Variants in WDR24 observed in about 807,000 individuals in gnomAD.
WDR24 encodes WD repeat domain 24, also known as GATOR2 complex protein WDR24.
Under a neutral mutation model 66.7 loss-of-function variants are expected in WDR24, and 32 were observed. That is an observed-to-expected ratio of 0.48 (90% CI 0.36 to 0.64). WDR24 has a LOEUF of 0.64. Among genes scored for constraint, WDR24 ranks in the 30% least tolerant of loss-of-function variants. WDR24 has a pLI of 0.00. For missense variants in WDR24, 978 were observed against 1,144.1 expected, an observed-to-expected ratio of 0.85 and a Z score of 2.09; for synonymous variants, 565 against 469.1, an observed-to-expected ratio of 1.20 and a Z score of -2.64.
chr16:687,345 T>C lies in WDR24; in HGVS notation c.731A>G (p.Glu244Gly). ...GGCGATGGTCTGCACACAGTGCATCTCCTTGGCACGGTGCGTGGTCATGTC... is the reference window on the plus strand; with the variant it reads ...GGCGATGGTCTGCACACAGTGCATCCCCTTGGCACGGTGCGTGGTCATGTC... ...VWDMTTHRAKEMHCVQTIASV... is the reference protein window; with the variant it reads ...VWDMTTHRAKGMHCVQTIASV... The change falls in exon 3 of 9, where the codon GAG (glutamate) becomes GGG (glycine). Residue 244 changes from glutamate to glycine, a missense_variant. This residue lies in a region of WDR24 where 302 missense variants were observed against 526.6 expected (regional missense o/e 0.57). Coordinates refer to ENST00000293883, the MANE Select transcript of WDR24 (RefSeq NM_032259.4). 6.2e-7 allele frequency: 1 copy of C among 1,605,352 alleles called. No homozygotes were observed. The highest frequency in any genetic ancestry group is 8.5e-7 in the Non-Finnish European group (1 of 1,175,364).
chr16:685,987 GAA>G lies in WDR24; in HGVS notation c.1453_1454del (p.Phe485GlnfsTer12). ...GSCGLPLMNS[F>X]NLKDMAPGLG... is the part of the protein sequence containing the mutation. ...ACCCTGGGGCCATATCCTTCAGGTTGAAACTGGGGGCAGGAAGGGCCCATGGG... is the reference window on the plus strand; with the variant it reads ...ACCCTGGGGCCATATCCTTCAGGTTGACTGGGGGCAGGAAGGGCCCATGGG... On this transcript the variant is annotated frameshift_variant and splice_region_variant, in exon 5 of 9. Transcript: ENST00000293883. LOFTEE classifies it high-confidence loss of function. The G allele has an allele frequency of 6.2e-7, 1 of 1,613,044 alleles. No individual in the cohort carries two copies. Among genetic ancestry groups the G allele is most frequent in the Non-Finnish European group, 8.5e-7 (1 of 1,179,986 alleles).
In WDR24 at chr16:687,212, C is replaced by T. The variant is rs1028409376; in HGVS notation, c.864G>A (p.Val288=). Residue 288 remains valine, a synonymous_variant, in exon 3 of 9, where the codon GTG becomes GTA. Transcript: ENST00000293883. ...GGTGTTCCTCAAACATGGCAGCTGG[C>T]ACGAAGGGCCGGCGCACGTCCCAAA... ...IYVWDVRRPF[V]PAAMFEEHRD... is the part of the protein sequence containing the mutation. The T allele has an allele frequency of 4.3e-6, 7 of 1,612,592 alleles. 1 individual carries two copies. The African/African-American group carries it at 6.7e-5, about 15-fold the overall frequency.
chr16:687,874 C>T (rs1335694767), intron 1 of WDR24, 135 bp from the exon 2 acceptor site: 2 of 1,187,468 alleles, frequency 1.7e-6, no homozygotes, highest in Non-Finnish European at 2.4e-6. Context: ...TGGACATCCC[C>T]AAGATCTGCC....
chr16:685,471 G>C lies in WDR24; in HGVS notation c.1805C>G (p.Ala602Gly). 1 of 1,602,112 alleles carries C rather than the reference G, an allele frequency of 6.2e-7. No individual in the cohort carries two copies. Among genetic ancestry groups the C allele is most frequent in the Non-Finnish European group, 8.5e-7 (1 of 1,171,702 alleles). The part of the protein sequence containing the change: ...ADSPHVSGSE[A>G]DVASLAPVDS... ...CACGGGGGCCAGGGAGGCCACATCCGCCTCGCTGCCGCTCACGTGCGGGGA... is the reference window on the plus strand; with the variant it reads ...CACGGGGGCCAGGGAGGCCACATCCCCCTCGCTGCCGCTCACGTGCGGGGA... Residue 602 changes from alanine to glycine, a missense_variant, in exon 7 of 9, where the codon GCG becomes GGG. Physicochemically the swap from Ala to Gly is moderately conservative, Grantham distance 60. Around this residue, in one of 2 missense-constraint regions of WDR24, gnomAD observed 676 missense variants for 617.5 expected, o/e 1.09. Transcript: ENST00000293883.
At position 687,296 on chromosome 16, in the gene WDR24, C is replaced by T. The variant is rs764141802; in HGVS notation, c.780G>A (p.Arg260=). Residue 260 remains arginine (R), a synonymous_variant, in exon 3 of 9, where the codon CGG becomes CGA. Coordinates refer to ENST00000293883, the MANE Select transcript of WDR24 (RefSeq NM_032259.4). ...TGGCCAGGTGGTGGCGGCACTCTGG[C>T]CGCCACTTCACACGGGCCACCGAGG... ...TIASVARVKW[R]PECRHHLATC... 6.8e-6 allele frequency: 11 copies of T among 1,611,264 alleles called. No individual in the cohort carries two copies. Among genetic ancestry groups the T allele is most frequent in the Non-Finnish European group, 9.3e-6 (11 of 1,179,722 alleles).
Position 684,888 on chromosome 16 carries a change from G to C in WDR24, c.2219C>G (p.Ala740Gly), listed in dbSNP as rs754092421. 9 of 1,539,772 alleles carry C rather than the reference G, an allele frequency of 5.8e-6. No individual in the cohort carries two copies. The Admixed American group carries it at 1.6e-4, about 27-fold the overall frequency. Residue 740 changes from alanine (A) to glycine (G), a missense_variant, in exon 9 of 9, where the codon GCC becomes GGC. Around this residue, in one of 2 missense-constraint regions of WDR24, gnomAD observed 676 missense variants for 617.5 expected, o/e 1.09. Transcript: ENST00000293883. Reference protein sequence around the residue: ...GWVCDRCHRCASMCAVCHHVV... With the variant: ...GWVCDRCHRCGSMCAVCHHVV... ...GTGGTGGCAGACGGCACACATGCTGGCGCAGCGGTGGCACCTGGGGGCGGG... is the reference window on the plus strand; with the variant it reads ...GTGGTGGCAGACGGCACACATGCTGCCGCAGCGGTGGCACCTGGGGGCGGG...
At position 685,117 on chromosome 16, in the gene WDR24, G is replaced by A. The variant is rs1356009345; in HGVS notation, c.2079C>T (p.Ser693=). ...LLQRFRLWNV[S]NEVVKLSTSR... ...TGGTGCTCAGCTTGACCACCTCGTTGGACACGTTCCAGAGGCGGAAGCGCT... is the reference window on the plus strand; with the variant it reads ...TGGTGCTCAGCTTGACCACCTCGTTAGACACGTTCCAGAGGCGGAAGCGCT... Residue 693 remains serine (S), a synonymous_variant, in exon 8 of 9, where the codon TCC becomes TCT. Transcript: ENST00000293883. The A allele has an allele frequency of 6.4e-7, 1 of 1,558,806 alleles. No homozygotes were observed. Among genetic ancestry groups the A allele is most frequent in the Non-Finnish European group, 8.7e-7 (1 of 1,152,164 alleles).
chr16:684,730 C>T lies in WDR24; in HGVS notation c.*4G>A, dbSNP rs1176203092. 4 of 1,588,544 alleles carry T rather than the reference C, an allele frequency of 2.5e-6. No homozygotes were observed. Among genetic ancestry groups the T allele is most frequent in the Non-Finnish European group, 3.4e-6 (4 of 1,167,938 alleles). On this transcript the variant is annotated 3_prime_UTR_variant, in exon 9 of 9. Transcript: ENST00000293883. ...CCGCCCGGGCAAGCCCAGCAGATGC[C>T]CCGTCAGGAGTACTCGCAGAGGTGG...
chr16:684,684 C>T lies in WDR24; in HGVS notation c.*50G>A. The T allele has an allele frequency of 6.6e-7, 1 of 1,519,430 alleles. No homozygotes were observed. The highest frequency in any genetic ancestry group is 8.8e-7 in the Non-Finnish European group (1 of 1,135,372). 94.1% of individuals were successfully genotyped at this position (1,519,430 alleles called of 1,614,324 possible). A position where few individuals can be genotyped will look rare whatever the true frequency, so the allele number is the denominator to read the frequency against. On this transcript the variant is annotated 3_prime_UTR_variant, in exon 9 of 9. Transcript: ENST00000293883. ...CCTCCGCCCGTCTCGGGCACAAGAC[C>T]AGGCGGGGTTCTGCACGCGGCCGCC...
chr16:685,085 G>C lies in WDR24; in HGVS notation c.2111C>G (p.Ala704Gly). 1 of 1,556,218 alleles carries C rather than the reference G, an allele frequency of 6.4e-7. No individual in the cohort carries two copies. Among genetic ancestry groups the C allele is most frequent in the Non-Finnish European group, 8.7e-7 (1 of 1,150,878 alleles). ...NEVVKLSTSR[A>G]VSCLNQASTT... ...GGAGGCCTGGTTGAGGCAGCTGACG[G>C]CGCGGCTGGTGCTCAGCTTGACCAC... Residue 704 changes from alanine to glycine, a missense_variant, in exon 8 of 9, where the codon GCC becomes GGC. By Grantham distance (60) the Ala-to-Gly change is moderately conservative. Coordinates refer to ENST00000293883, the MANE Select transcript of WDR24 (RefSeq NM_032259.4).
At chr16:686,222 G>T (rs532928354) in intron 3 of WDR24, 36 bp from the exon 4 acceptor site, 4 of 1,605,138 alleles carry the variant, frequency 2.5e-6, no homozygotes, top group African/African-American at 1.3e-5. Context: ...GGGCGTCCTG[G>T]ACACCCAGCA....
chr16:686,468 C>G (rs2039909077), intron 3 of WDR24, among the ~76,000 whole-genome samples: 1 of 152,192 alleles, frequency 6.6e-6, no homozygotes, highest in African/African-American at 2.4e-5. Context: ...GCTGCTGGTG[C>G]CTGGAGAGCT....
rs764077208 is a variant in WDR24 at position 685,014 on chromosome 16, T to C, written c.2182A>G (p.Ser728Gly). ...NCSHCKRPMS[S>G]RGWVCDRCHR... The stretch of plus-strand genomic sequence containing the variant: ...CACCTGTCGCAGACCCAGCCCCGGC[T>C]GCTCATGGGCCGCTTGCAGTGGCTG... Residue 728 changes from serine (S) to glycine (G), a missense_variant, in exon 8 of 9, where the codon AGC (serine) becomes GGC (glycine). Physicochemically the swap from Ser to Gly is moderately conservative, Grantham distance 56. Around this residue, in one of 2 missense-constraint regions of WDR24, gnomAD observed 676 missense variants for 617.5 expected, o/e 1.09. Coordinates refer to ENST00000293883, the MANE Select transcript of WDR24 (RefSeq NM_032259.4). 1.4e-5 allele frequency: 22 copies of C among 1,552,834 alleles called. No individual in the cohort carries two copies. The East Asian group carries it at 4.6e-4, about 32-fold the overall frequency.
intron 1 of WDR24, chr16:688,112 G>C (rs2039931156): frequency 2.1e-6 from 1 of 468,210 alleles, no homozygotes; most frequent in African/African-American, 2.0e-5. Context: ...GGCCCAAGGA[G>C]GTGCTGAGGA....
In WDR24 at chr16:687,634, G is replaced by T; in HGVS notation, c.587C>A (p.Pro196His). The change falls in exon 2 of 9, where the codon CCC becomes CAC. Residue 196 changes from proline to histidine, a missense_variant. Physicochemically the swap from Pro to His is moderately conservative, Grantham distance 77 (BLOSUM62 -2). This residue lies in a region of WDR24 where 302 missense variants were observed against 526.6 expected (regional missense o/e 0.57). Coordinates refer to ENST00000293883, the MANE Select transcript of WDR24 (RefSeq NM_032259.4). ...GNVQLWDIRR[P>H]DRCERMFTAH... is the part of the protein sequence containing the mutation. ...TGTGAACATCCTCTCGCACCGGTCGGGACGCCGGATGTCCCAGAGCTGCAC... is the reference window on the plus strand; with the variant it reads ...TGTGAACATCCTCTCGCACCGGTCGTGACGCCGGATGTCCCAGAGCTGCAC... The T allele has an allele frequency of 6.2e-7, 1 of 1,613,534 alleles. No individual in the cohort carries two copies. The highest frequency in any genetic ancestry group is 8.5e-7 in the Non-Finnish European group (1 of 1,180,018).
rs540219276 is a variant in WDR24 at position 689,783 on chromosome 16, G to A, written c.-143C>T. The A allele has an allele frequency of 4.0e-4, 514 of 1,295,006 alleles. 1 individual carries two copies. The African/African-American group carries it at 6.9e-3, about 17-fold the overall frequency. 80.2% of individuals were successfully genotyped at this position (1,295,006 alleles called of 1,614,324 possible). ...GTCCCGGGCTGGTCAGTCTTAGTGA[G>A]CCAATCCAGGGCTGTCTATCAGCCA... On this transcript the variant is annotated 5_prime_UTR_variant, in exon 1 of 9. Transcript: ENST00000293883.
chr16:684,772 A>G lies in WDR24; in HGVS notation c.2335T>C (p.Cys779Arg). Residue 779 changes from cysteine to arginine, a missense_variant, in exon 9 of 9, where the codon TGT becomes CGT. By Grantham distance (180) the Cys-to-Arg change is radical. Around this residue, in one of 2 missense-constraint regions of WDR24, gnomAD observed 676 missense variants for 617.5 expected, o/e 1.09. Transcript: ENST00000293883. ...IMKWLEGSSH[C>R]PAGCGHLCEY... ...CAGAGGTGGCCGCAGCCTGCGGGAC[A>G]GTGGGAGCTGCCTTCCAGCCACTTC... 6.2e-7 allele frequency: 1 copy of G among 1,600,250 alleles called. No homozygotes were observed. The highest frequency in any genetic ancestry group is 1.1e-5 in the South Asian group (1 of 89,092).
At position 685,406 on chromosome 16, in the gene WDR24, A is replaced by G. The variant is rs916387402; in HGVS notation, c.1870T>C (p.Tyr624His). The G allele has an allele frequency of 1.2e-6, 2 of 1,612,526 alleles. No individual in the cohort carries two copies. The highest frequency in any genetic ancestry group is 1.7e-6 in the Non-Finnish European group (2 of 1,179,830). ...AAGTCGGGCGGCAGGCGGCTGTCGT[A>G]GAGCGCGTGTGAGACAGACAGGAGC... ...FSLLSVSHAL[Y>H]DSRLPPDFFG... Residue 624 changes from tyrosine (Y) to histidine (H), a missense_variant, in exon 7 of 9, where the codon TAC becomes CAC. Tyr to His is a moderately conservative substitution (Grantham distance 83, BLOSUM62 2). Around this residue, in one of 2 missense-constraint regions of WDR24, gnomAD observed 676 missense variants for 617.5 expected, o/e 1.09. Transcript: ENST00000293883.
In WDR24 at chr16:687,711, C is replaced by T. The variant is rs2039925947; in HGVS notation, c.510G>A (p.Gln170=). The T allele has an allele frequency of 6.2e-7, 1 of 1,613,470 alleles. No homozygotes were observed. The highest frequency in any genetic ancestry group is 1.3e-5 in the African/African-American group (1 of 75,066). ...AGGTGAAGTAGTCCCGGATACTGAA[C>T]TGCACGTCCCGCACGCTCTCCGACT... The part of the protein sequence containing the change: ...SGQSESVRDV[Q]FSIRDYFTFA... Residue 170 remains glutamine (Q), a synonymous_variant, in exon 2 of 9, where the codon CAG becomes CAA. Transcript: ENST00000293883.
Sources: gnomAD v4.1 joint callset for allele counts (sites outside exome capture counted in the v4.1 genomes callset) on GRCh38, gnomAD v4.1.1 for gene constraint, gnomAD v4.1.1 regional missense constraint, MANE v1.5 for transcripts, NCBI Gene and HGNC (gene_info 2026-07-23, HGNC 2026-07-21) for gene names.